The following DENND2C variants were observed in gnomAD, a reference collection of about 807,000 sequenced individuals.
DENND2C encodes DENN domain-containing protein 2C.
DENND2C carries 72 observed loss-of-function variants against 112.4 expected under a neutral mutation model. The ratio of observed to expected loss-of-function variants is 0.64; its 90% CI spans 0.53 to 0.78. The LOEUF (loss-of-function observed/expected upper bound fraction) is 0.78, where lower values mean the gene tolerates loss of function less well. Ranked by LOEUF, DENND2C falls within the 30% of genes least tolerant of loss-of-function variation. DENND2C has a pLI of 0.00. For missense variants in DENND2C, 992 were observed against 1,113.8 expected (o/e 0.89, Z 1.56); for synonymous variants, 329 against 381.6 (o/e 0.86, Z 1.61).
At chr1:114,658,905 A>T (rs1293339045) in intron 1 of DENND2C, among the ~76,000 whole-genome samples, 1 of 152,042 alleles carries the variant, frequency 6.6e-6, no homozygotes, top group African/African-American at 2.4e-5. Context: ...GATGATAAGC[A>T]ATGTCACTTA....
chr1:114,641,794 T>G (rs1053809212), intron 3 of DENND2C, among the ~76,000 whole-genome samples: 1 of 152,128 alleles, frequency 6.6e-6, no homozygotes, highest in Non-Finnish European at 1.5e-5. Flanking sequence ...CAAATACTTA[T>G]GAAACAATTG....
Position 114,630,840 on chromosome 1 carries a change from T to C in DENND2C, c.-204-4652A>G, listed in dbSNP as rs115882914. Among the ~76,000 whole-genome samples the C allele has an allele frequency of 4.6e-3, 699 of 152,270 alleles. 3 individuals carry two copies. The highest frequency in any genetic ancestry group is 6.7e-3 in the Non-Finnish European group (458 of 68,022). The stretch of plus-strand genomic sequence containing the variant: ...ATTTTTAAGCTAACCCAGGGTTCAC[T>C]AGCTCTGGGAAACCTTCAAAGTCCA... On this transcript the variant is annotated intron_variant, in intron 3 of 20. Coordinates refer to ENST00000393274, the MANE Select transcript of DENND2C (RefSeq NM_001256404.2).
intron 17 of DENND2C, 194 bp downstream of exon 17, chr1:114,595,638 A>C: frequency 1.9e-6 from 1 of 518,296 alleles, no homozygotes. Flanking sequence ...CCTTTGGGAT[A>C]GGCAGCTATA....
At chr1:114,599,981 G>C (rs183298782) in intron 15 of DENND2C, among the ~76,000 whole-genome samples, 2 of 151,632 alleles carry the variant, frequency 1.3e-5, no homozygotes, top group Non-Finnish European at 2.9e-5. Context: ...GTGGGGGGAT[G>C]GGGGGAGGGC....
chr1:114,620,145 A>G (rs916066300), intron 7 of DENND2C, among the ~76,000 whole-genome samples: 14 of 152,246 alleles, frequency 9.2e-5, no homozygotes, highest in South Asian at 6.2e-4. Flanking sequence ...ATAAATGAAA[A>G]TGGACTTTCT....
chr1:114,589,267 C>T (rs1655121943), intron 18 of DENND2C, among the ~76,000 whole-genome samples: 1 of 152,150 alleles, frequency 6.6e-6, no homozygotes, highest in Non-Finnish European at 1.5e-5. Context: ...CAGGGATCCA[C>T]ACAGGATGGG....
intron 10 of DENND2C, among the ~76,000 whole-genome samples, chr1:114,605,515 C>T (rs1021779649): frequency 3.3e-5 from 5 of 152,186 alleles, no homozygotes; most frequent in Non-Finnish European, 5.9e-5. Flanking sequence ...AGAAAAGATA[C>T]GGCCAGATGC....
At chr1:114,591,595 TGAC>T (rs1655189995) in intron 18 of DENND2C, among the ~76,000 whole-genome samples, 2 of 152,164 alleles carry the variant, frequency 1.3e-5, no homozygotes, top group Non-Finnish European at 2.9e-5. Flanking sequence ...TGGTGTCCCT[TGAC>T]GAAAAGAAAA....
chr1:114,628,043 T>C (rs570735695), intron 3 of DENND2C, among the ~76,000 whole-genome samples: 1 of 152,224 alleles, frequency 6.6e-6, no homozygotes, highest in Non-Finnish European at 1.5e-5. Context: ...TGGTGGCTCA[T>C]ACTTGTCATC....
At chr1:114,652,938 A>G (rs913488687) in intron 2 of DENND2C, among the ~76,000 whole-genome samples, 4 of 152,056 alleles carry the variant, frequency 2.6e-5, no homozygotes, top group Non-Finnish European at 4.4e-5. Context: ...TGCTTAGGGA[A>G]CAGTGACAAG....
intron 4 of DENND2C, among the ~76,000 whole-genome samples, chr1:114,624,911 G>A (rs1387350815): frequency 3.9e-5 from 6 of 152,132 alleles, no homozygotes; most frequent in African/African-American, 9.7e-5. Flanking sequence ...GCGAGCTACC[G>A]TGCCTGGCGC....
chr1:114,663,161 A>G (rs1657545988), intron 1 of DENND2C, among the ~76,000 whole-genome samples: 1 of 152,184 alleles, frequency 6.6e-6, no homozygotes. Flanking sequence ...CTTTAGGATA[A>G]AACTTATTCA....
rs762836274 is a variant in DENND2C, at chr1:114,599,462, G to C, written c.2106-11C>G. The C allele has an allele frequency of 6.2e-7, 1 of 1,607,390 alleles. No homozygotes were observed. Among genetic ancestry groups the C allele is most frequent in the Non-Finnish European group, 8.5e-7 (1 of 1,176,062 alleles). ...CATTTTGACAGGGTGCTAGCCAGAG[G>C]AGAAAACAAATGGTGTCATATATAG... is the stretch of plus-strand genomic sequence containing the variant. On this transcript the variant is annotated splice_polypyrimidine_tract_variant and intron_variant, in intron 15 of 20. Transcript: ENST00000393274.
chr1:114,645,034 G>T (rs530698460), intron 3 of DENND2C, among the ~76,000 whole-genome samples: 1 of 152,024 alleles, frequency 6.6e-6, no homozygotes, highest in African/African-American at 2.4e-5. Context: ...GTAAAAGGAG[G>T]GTATAGTAAC....
chr1:114,668,037 T>G (rs563247997), intron 1 of DENND2C, among the ~76,000 whole-genome samples: 1 of 152,306 alleles, frequency 6.6e-6, no homozygotes, highest in Admixed American at 6.5e-5. Context: ...CAGTACTTAT[T>G]TTAGCCCACT....
chr1:114,648,135 C>T (rs768237584), intron 2 of DENND2C, among the ~76,000 whole-genome samples: 1 of 152,178 alleles, frequency 6.6e-6, no homozygotes. Flanking sequence ...ACAACCCTAA[C>T]AGATAGTTAC....
intron 8 of DENND2C, among the ~76,000 whole-genome samples, chr1:114,616,607 C>T (rs1439217305): frequency 6.6e-6 from 1 of 151,970 alleles, no homozygotes; most frequent in African/African-American, 2.4e-5. Flanking sequence ...GTAATCCCAG[C>T]ACTTTGAGAG....
At chr1:114,653,465 C>T (rs936583529) in intron 2 of DENND2C, among the ~76,000 whole-genome samples, 6 of 152,054 alleles carry the variant, frequency 3.9e-5, no homozygotes, top group African/African-American at 1.2e-4. Context: ...AATGTTTTTT[C>T]ATTATCCTTA....
rs1655082215 is a variant in DENND2C at position 114,587,828 on chromosome 1, G to T, written c.2556C>A (p.Phe852Leu). The T allele has an allele frequency of 6.2e-7, 1 of 1,614,082 alleles. No homozygotes were observed. Among genetic ancestry groups the T allele is most frequent in the African/African-American group, 1.3e-5 (1 of 75,012 alleles). ...RGERVFQREP[F>L]RKSHTSRSVR... ...CACTTCGGGAGGTGTGGGACTTACGGAATGGTTCCCTTTGGAAAACACGCT... is the reference window on the plus strand; with the variant it reads ...CACTTCGGGAGGTGTGGGACTTACGTAATGGTTCCCTTTGGAAAACACGCT... Residue 852 changes from phenylalanine (F) to leucine (L), a missense_variant, in exon 19 of 21, where the codon TTC becomes TTA. By Grantham distance (22) the Phe-to-Leu change is conservative. This residue lies in a region of DENND2C where 516 missense variants were observed against 623.6 expected (regional missense o/e 0.83). Coordinates refer to ENST00000393274, the MANE Select transcript of DENND2C (RefSeq NM_001256404.2).
Sources: allele counts gnomAD v4.1 joint callset (sites outside exome capture counted in the v4.1 genomes callset), GRCh38; gene constraint gnomAD v4.1.1; regional missense constraint gnomAD v4.1.1; transcripts MANE v1.5; gene names NCBI Gene and HGNC (gene_info 2026-07-23, HGNC 2026-07-21).